MYH9: variants seen among roughly 807,000 people sequenced by gnomAD.
The protein encoded by MYH9 is myosin-9.
In MYH9, 29 loss-of-function variants were observed where a neutral mutation model predicts 241.9. The ratio of observed to expected loss-of-function variants is 0.12; its 90% CI spans 0.09 to 0.16. The LOEUF (loss-of-function observed/expected upper bound fraction) is 0.16, where lower values mean the gene tolerates loss of function less well. Among genes scored for constraint, MYH9 ranks in the 10% least tolerant of loss-of-function variants. The pLI, the probability that MYH9 is intolerant of heterozygous loss-of-function variation, is 1.00. For synonymous variants in MYH9, 1,047 were observed against 1,062.6 expected (o/e 0.99, Z 0.29); for missense variants, 1,803 against 2,595.5 (o/e 0.69, Z 6.63).
chr22:36,319,448 G>C (rs779530061), intron 10 of MYH9, 92 bp downstream of exon 10: 3 of 1,146,882 alleles, frequency 2.6e-6, no homozygotes, highest in Non-Finnish European at 3.9e-6. Context: ...AAAAAGAATA[G>C]TGTCCGGAAT....
intron 2 of MYH9, 104 bp downstream of exon 2, chr22:36,348,800 G>T: frequency 1.7e-6 from 2 of 1,151,132 alleles, no homozygotes; most frequent in Non-Finnish European, 2.5e-6. Flanking sequence ...TTCTCAACCA[G>T]AGAGCCAGGG....
In MYH9 at chr22:36,300,395, C is replaced by G. The variant is rs2016857858; in HGVS notation, c.2839-131G>C. ...AAGGTCTGTGAGCCCAGGGCCATGG[C>G]TGAGGTGGGGACGGCAAGGTCCGCC... On this transcript the variant is annotated intron_variant, in intron 22 of 40. Transcript: ENST00000216181. The surrounding 1 kb of genome is among the most constrained non-coding windows in gnomAD (Gnocchi z 5.0). The G allele has an allele frequency of 2.2e-6, 3 of 1,361,634 alleles. No individual in the cohort carries two copies. The highest frequency in any genetic ancestry group is 1.8e-5 in the Admixed American group (1 of 54,974). The allele number at this position is 1,361,634 out of a possible 1,614,324, so 84.3% of individuals were successfully genotyped here.
intron 31 of MYH9, among the ~76,000 whole-genome samples, chr22:36,291,675 A>T (rs1238788312): frequency 3.7e-5 from 5 of 136,240 alleles, no homozygotes; most frequent in African/African-American, 1.1e-4. Context: ...AATGATCAAT[A>T]AAAAAATTAA....
At position 36,320,420 on chromosome 22, in the gene MYH9, T is replaced by C. The variant is rs1419947878; in HGVS notation, c.869-57A>G. 6.2e-7 allele frequency: 1 copy of C among 1,601,490 alleles called. No individual in the cohort carries two copies. The highest frequency in any genetic ancestry group is 1.3e-5 in the African/African-American group (1 of 74,798). Reference sequence around the variant, plus strand: ...CGAGGTGCTGAAAGTGGAGGCTCCATCAGCGCTGTGACCTCAAAGGTTGGA... The same window carrying C: ...CGAGGTGCTGAAAGTGGAGGCTCCACCAGCGCTGTGACCTCAAAGGTTGGA... On this transcript the variant is annotated intron_variant, in intron 8 of 40. Transcript: ENST00000216181. The surrounding 1 kb of genome is among the most constrained non-coding windows in gnomAD (Gnocchi z 4.8).
At chr22:36,387,534 G>A (rs2018374052) in intron 1 of MYH9, among the ~76,000 whole-genome samples, 1 of 151,780 alleles carries the variant, frequency 6.6e-6, no homozygotes, top group Non-Finnish European at 1.5e-5. Flanking sequence ...CGGGGGACAC[G>A]GGGGGCGCCG....
At position 36,318,447 on chromosome 22, in the gene MYH9, G is replaced by A. The variant is rs1035257534; in HGVS notation, c.1109-122C>T. 17 of 830,714 alleles carry A rather than the reference G, an allele frequency of 2.0e-5. No individual in the cohort carries two copies. In the African/African-American group the frequency reaches 2.7e-4, roughly 13 times the overall value. 51.5% of individuals were successfully genotyped at this position (830,714 alleles called of 1,614,324 possible). On this transcript the variant is annotated intron_variant, in intron 10 of 40. Transcript: ENST00000216181. ...TGACTTGGGAGCAGAGAGGAAGAAA[G>A]CCACGGGGTGAATGAGCAATCATTA...
At chr22:36,381,159 C>T (rs2146427540) in intron 1 of MYH9, among the ~76,000 whole-genome samples, 1 of 152,232 alleles carries the variant, frequency 6.6e-6, no homozygotes, top group East Asian at 1.9e-4. Context: ...TACAGATTAG[C>T]CAGCTGGACC....
chr22:36,313,451 CAAAAAAAAAAA>C (rs57101170), intron 13 of MYH9, among the ~76,000 whole-genome samples: 1 of 52,930 alleles, frequency 1.9e-5, no homozygotes, highest in Non-Finnish European at 3.8e-5. Context: ...GACTCCGTCT[CAAAAAAAAAAA>C]AAAAAAAAAA....
chr22:36,297,946 C>CTAAT (rs1326579272), intron 24 of MYH9, among the ~76,000 whole-genome samples: 1 of 152,174 alleles, frequency 6.6e-6, no homozygotes, highest in Non-Finnish European at 1.5e-5. Flanking sequence ...TATGTTAGCC[C>CTAAT]TTATTAGTGT....
At chr22:36,382,574 G>A (rs930937748) in intron 1 of MYH9, among the ~76,000 whole-genome samples, 27 of 151,926 alleles carry the variant, frequency 1.8e-4, no homozygotes, top group Middle Eastern at 3.2e-3. Context: ...AGGCCAAGGC[G>A]GGTGGATCGC....
intron 39 of MYH9, 25 bp downstream of exon 39, chr22:36,284,378 C>T (rs1481546231): frequency 5.0e-6 from 8 of 1,610,238 alleles, no homozygotes; most frequent in Non-Finnish European, 5.9e-6. Flanking sequence ...CGCTGCCCTT[C>T]TCACTGCCCC....
chr22:36,370,816 G>T (rs1285046888), intron 1 of MYH9, among the ~76,000 whole-genome samples: 2 of 152,102 alleles, frequency 1.3e-5, no homozygotes, highest in Admixed American at 1.3e-4. Flanking sequence ...AGAGCAAAGT[G>T]GGACAAAAGG....
intron 30 of MYH9, among the ~76,000 whole-genome samples, chr22:36,292,444 G>A (rs1216259838): frequency 6.6e-6 from 1 of 152,202 alleles, no homozygotes; most frequent in Non-Finnish European, 1.5e-5. Flanking sequence ...TCTACTGTGT[G>A]AAGCCCGGGG....
chr22:36,282,609 G>A lies in MYH9; in HGVS notation c.*59C>T. 1 of 1,512,838 alleles carries A rather than the reference G, an allele frequency of 6.6e-7. No individual in the cohort carries two copies. The highest frequency in any genetic ancestry group is 9.2e-7 in the Non-Finnish European group (1 of 1,090,992). The allele number at this position is 1,512,838 out of a possible 1,614,324, so 93.7% of individuals were successfully genotyped here. On this transcript the variant is annotated 3_prime_UTR_variant, in exon 41 of 41. Coordinates refer to ENST00000216181, the MANE Select transcript of MYH9 (RefSeq NM_002473.6). ...TGGGGAGAGGCGTGCTGCGGGGTCTGGGAAGGGGAGGCTGTGGTGTCTGTC... is the reference window on the plus strand; with the variant it reads ...TGGGGAGAGGCGTGCTGCGGGGTCTAGGAAGGGGAGGCTGTGGTGTCTGTC...
Position 36,305,428 on chromosome 22 carries a change from A to G in MYH9, c.2160-326T>C, listed in dbSNP as rs568284931. ...CACCCAGGGACAGCCATGTTCACAC[A>G]GCTTCCCTGGGACGCTGCAGGGAGC... On this transcript the variant is annotated intron_variant, in intron 17 of 40. Transcript: ENST00000216181. This position sits in a 1 kb window ranked among gnomAD's most constrained non-coding sequence, Gnocchi z 4.7. Among the ~76,000 whole-genome samples, 358 of 152,332 alleles carry G rather than the reference A, an allele frequency of 2.4e-3. No individual in the cohort carries two copies. The highest frequency in any genetic ancestry group is 4.4e-3 in the Non-Finnish European group (296 of 68,028).
chr22:36,310,065 C>G (rs1037205417), intron 14 of MYH9, among the ~76,000 whole-genome samples: 15 of 150,936 alleles, frequency 9.9e-5, no homozygotes, highest in Non-Finnish European at 1.9e-4. Flanking sequence ...GCCTGGCCAA[C>G]ATGGCAAAAC....
chr22:36,352,679 T>C (rs1481734963), intron 1 of MYH9, among the ~76,000 whole-genome samples: 1 of 152,146 alleles, frequency 6.6e-6, no homozygotes, highest in Non-Finnish European at 1.5e-5. Context: ...TGGTGTCCAC[T>C]TGAAGACTAG....
chr22:36,289,437 C>T (rs75883300), intron 31 of MYH9, 140 bp from the exon 32 acceptor site: 25,702 of 750,466 alleles, frequency 0.034, 698 homozygotes, highest in East Asian at 0.11. Context: ...AGGCCCAGGG[C>T]TGTGCCCAGG....
At position 36,281,725 on chromosome 22, in the gene MYH9, G is replaced by A; in HGVS notation, c.*943C>T. 4.3e-6 allele frequency: 1 copy of A among 231,146 alleles called. No homozygotes were observed. Among genetic ancestry groups the A allele is most frequent in the African/African-American group, 2.2e-5 (1 of 45,312 alleles). The allele number at this position is 231,146 out of a possible 1,614,324, so 14.3% of individuals were successfully genotyped here. A position where few individuals can be genotyped will look rare whatever the true frequency, so the allele number is the denominator to read the frequency against. ...TTCAAAAATACCTGTGCAGGTGGCA[G>A]ATTTTTAAACTATACTGAGTCAACG... On this transcript the variant is annotated 3_prime_UTR_variant, in exon 41 of 41. Coordinates refer to ENST00000216181, the MANE Select transcript of MYH9 (RefSeq NM_002473.6).
Sources: allele counts gnomAD v4.1 joint callset (sites outside exome capture counted in the v4.1 genomes callset), GRCh38; gene constraint gnomAD v4.1.1; non-coding constraint Gnocchi (gnomAD v3.1); transcripts MANE v1.5; gene names NCBI Gene and HGNC (gene_info 2026-07-23, HGNC 2026-07-21).